The following HEATR4 variants were observed in gnomAD, a reference collection of about 807,000 sequenced individuals.
HEATR4 encodes the protein HEAT repeat containing 4.
In HEATR4, 95 loss-of-function variants were observed where a neutral mutation model predicts 108.8. The ratio of observed to expected loss-of-function variants is 0.87; its 90% CI spans 0.74 to 1.04. The LOEUF (loss-of-function observed/expected upper bound fraction) is 1.04, where lower values mean the gene tolerates loss of function less well. Among genes scored for constraint, HEATR4 ranks in the 50% least tolerant of loss-of-function variants. The pLI is 0.00. For missense variants in HEATR4, 1,152 were observed against 1,253.8 expected (o/e 0.92, Z 1.23); for synonymous variants, 443 against 459.4 (o/e 0.96, Z 0.46).
Position 73,492,361 on chromosome 14 carries a change from G to C in HEATR4, c.2844+705C>G, listed in dbSNP as rs553099723. The C allele has an allele frequency of 6.2e-7, 1 of 1,613,910 alleles. No individual in the cohort carries two copies. The highest frequency in any genetic ancestry group is 1.1e-5 in the South Asian group (1 of 91,082). On this transcript the variant is annotated intron_variant, in intron 17 of 17. Coordinates refer to ENST00000553558, the MANE Select transcript of HEATR4 (RefSeq NM_001220484.1). The surrounding 1 kb of genome is among the most constrained non-coding windows in gnomAD (Gnocchi z 4.9). ...TGCAGGCTGCAATGGAAGAAAATGT[G>C]GAGTTTCGGAGGGGTCTGCCCCGAG...
rs1208467945 is a variant in HEATR4, at chr14:73,519,064, T to C, written c.1169A>G (p.Glu390Gly). ...CTGGGCACTCCACTTTTCTGGAGTTTCAGGGAAGACCTTAGATAGCTGCTT... is the reference window on the plus strand; with the variant it reads ...CTGGGCACTCCACTTTTCTGGAGTTCCAGGGAAGACCTTAGATAGCTGCTT... ...YNKQLSKVFPETPEKWSAQAI... is the reference protein window; with the variant it reads ...YNKQLSKVFPGTPEKWSAQAI... The change falls in exon 5 of 18, where the codon GAA becomes GGA. Residue 390 changes from glutamate to glycine, a missense_variant. Glu to Gly is a moderately conservative substitution (Grantham distance 98). Transcript: ENST00000553558. 1.2e-6 allele frequency: 2 copies of C among 1,613,912 alleles called. No homozygotes were observed. Among genetic ancestry groups the C allele is most frequent in the Admixed American group, 3.3e-5 (2 of 59,972 alleles).
At chr14:73,504,585 G>A (rs1886691079) in intron 10 of HEATR4, among the ~76,000 whole-genome samples, 1 of 152,148 alleles carries the variant, frequency 6.6e-6, no homozygotes, top group Admixed American at 6.6e-5. Flanking sequence ...CGCCTGTGCT[G>A]CTGGTCCAGG....
intron 6 of HEATR4, 69 bp downstream of exon 6, chr14:73,513,962 G>A: frequency 6.7e-7 from 1 of 1,489,100 alleles, no homozygotes; most frequent in Non-Finnish European, 9.4e-7. Flanking sequence ...CAAAGACTGA[G>A]AAAGCCTAGT....
intron 9 of HEATR4, among the ~76,000 whole-genome samples, chr14:73,507,722 G>A (rs1007693926): frequency 3.3e-5 from 5 of 151,750 alleles, no homozygotes; most frequent in East Asian, 1.9e-4. Flanking sequence ...AGGCGTGAGC[G>A]ACCATGCCCA....
the HEATR4 span, chr14:73,619,960 G>A: frequency 8.8e-7 from 1 of 1,130,734 alleles, no homozygotes; most frequent in African/African-American, 1.6e-5. Context: ...CACATAGGCT[G>A]GAGTGCAGTG....
chr14:73,573,247 G>A, the HEATR4 span: 5,755 of 1,295,584 alleles, frequency 4.4e-3, 60 homozygotes, highest in Non-Finnish European at 5.5e-3. Context: ...GTTTCTGGAC[G>A]AACAGGTTTT....
the HEATR4 span, among the ~76,000 whole-genome samples, chr14:73,626,533 T>C: frequency 6.6e-6 from 1 of 152,120 alleles, no homozygotes; most frequent in African/African-American, 2.4e-5. Flanking sequence ...TCCATAATGT[T>C]AAAGTGCAAG....
In HEATR4 at chr14:73,496,685, A is replaced by G. The variant is rs750121584; in HGVS notation, c.2547-6T>C. ...TCATTGTCTGGTACATTTCTCTGAA[A>G]GATAAGAAGGGCTTCTTAGATTATT... On this transcript the variant is annotated splice_region_variant and splice_polypyrimidine_tract_variant and intron_variant, in intron 14 of 17. Coordinates refer to ENST00000553558, the MANE Select transcript of HEATR4 (RefSeq NM_001220484.1). 8.8e-6 allele frequency: 13 copies of G among 1,474,274 alleles called. No homozygotes were observed. In the South Asian group the frequency reaches 1.5e-4, roughly 17 times the overall value. 91.3% of individuals were successfully genotyped at this position (1,474,274 alleles called of 1,614,324 possible).
the HEATR4 span, among the ~76,000 whole-genome samples, chr14:73,609,401 A>G: frequency 6.6e-6 from 1 of 152,250 alleles, no homozygotes; most frequent in African/African-American, 2.4e-5. Context: ...CCCTGGGTAC[A>G]AGAAACATCA....
intron 17 of HEATR4, chr14:73,491,722 C>T: frequency 1.3e-6 from 2 of 1,551,676 alleles, no homozygotes; most frequent in Admixed American, 2.0e-5. Context: ...GGCAGGACCA[C>T]ACCTACTACC....
chr14:73,515,219 T>G (rs1266475977), intron 5 of HEATR4, among the ~76,000 whole-genome samples: 1 of 152,192 alleles, frequency 6.6e-6, no homozygotes, highest in African/African-American at 2.4e-5. Context: ...ATGTACTAAA[T>G]TCATTATTCA....
At chr14:73,592,138 T>C in the HEATR4 span, 5 of 1,581,020 alleles carry the variant, frequency 3.2e-6, no homozygotes, top group Non-Finnish European at 4.3e-6. Context: ...CGCGGCGAGC[T>C]GGACCTGGAG....
upstream of HEATR4, among the ~76,000 whole-genome samples, chr14:73,559,219 T>G (rs1274122443): frequency 6.6e-6 from 1 of 151,778 alleles, no homozygotes; most frequent in East Asian, 1.9e-4. Flanking sequence ...CTGCAACCTG[T>G]GCCTCCCAGG....
chr14:73,493,205 C>A, intron 16 of HEATR4, 81 bp from the exon 17 acceptor site: 1 of 1,109,768 alleles, frequency 9.0e-7, no homozygotes, highest in Non-Finnish European at 1.4e-6. Flanking sequence ...CCAACTTCAT[C>A]ACCTTCAGGC....
In HEATR4 at chr14:73,492,412, G is replaced by C. The variant is rs1885830507; in HGVS notation, c.2844+654C>G. On this transcript the variant is annotated intron_variant, in intron 17 of 17. Transcript: ENST00000553558. The surrounding 1 kb of genome is among the most constrained non-coding windows in gnomAD (Gnocchi z 4.9). Reference sequence around the variant, plus strand: ...ACTTCATGGATTACATGGGGGCCCAGCATTCAGATTCTAAGGATCCGCGAA... The same window carrying C: ...ACTTCATGGATTACATGGGGGCCCACCATTCAGATTCTAAGGATCCGCGAA... 3 of 1,613,746 alleles carry C rather than the reference G, an allele frequency of 1.9e-6. No individual in the cohort carries two copies. Among genetic ancestry groups the C allele is most frequent in the Admixed American group, 3.3e-5 (2 of 59,992 alleles).
At chr14:73,590,774 C>T in the HEATR4 span, among the ~76,000 whole-genome samples, 300 of 151,836 alleles carry the variant, frequency 2.0e-3, no homozygotes, top group African/African-American at 7.0e-3. Flanking sequence ...CGCGCTGGCC[C>T]GCAAGCCCCG....
At chr14:73,616,091 T>G in the HEATR4 span, among the ~76,000 whole-genome samples, 1 of 151,860 alleles carries the variant, frequency 6.6e-6, no homozygotes, top group African/African-American at 2.4e-5. Context: ...CTCTTCCTCC[T>G]GAGTAGCTAA....
At position 73,556,978 on chromosome 14, in the gene HEATR4, C is replaced by T. The variant is rs1216121902; in HGVS notation, c.-152+1773G>A. ...ATGGAGTTTGGAGGCTCCTTATTAT[C>T]GAAACTTACACATTACGTGACCAGC... On this transcript the variant is annotated intron_variant, in intron 1 of 17. Transcript: ENST00000553558. 4.0e-4 allele frequency among the ~76,000 whole-genome samples: 45 copies of T among 113,020 alleles called. 14 individuals carry two copies. The highest frequency in any genetic ancestry group is 1.1e-3 in the South Asian group (4 of 3,524). 74.1% of individuals were successfully genotyped at this position (113,020 alleles called of 152,430 possible).
the HEATR4 span, chr14:73,593,882 G>A: frequency 9.3e-5 from 150 of 1,612,868 alleles, 1 homozygote; most frequent in Middle Eastern, 1.3e-3. Flanking sequence ...GAAGCCGTAT[G>A]CTACATGCTT....
Sources: allele counts gnomAD v4.1 joint callset (sites outside exome capture counted in the v4.1 genomes callset), GRCh38; gene constraint gnomAD v4.1.1; non-coding constraint Gnocchi (gnomAD v3.1); transcripts MANE v1.5; gene names NCBI Gene and HGNC (gene_info 2026-07-23, HGNC 2026-07-21).